The following PICK1 variants were observed in gnomAD, a reference collection of about 807,000 sequenced individuals.
PICK1 encodes the protein PRKCA-binding protein.
In PICK1, 23 loss-of-function variants were observed where a neutral mutation model predicts 48.9. That is an observed-to-expected ratio of 0.47 (90% CI 0.34 to 0.67). The LOEUF (loss-of-function observed/expected upper bound fraction) is 0.67. PICK1 is among the 30% of genes least tolerant of loss of function. The pLI, the probability that PICK1 is intolerant of heterozygous loss-of-function variation, is 0.01. For synonymous variants in PICK1, 217 were observed against 228.2 expected (o/e 0.95, Z 0.44); for missense variants, 423 against 557.1 (o/e 0.76, Z 2.42).
chr22:38,073,017 C>A lies in PICK1; in HGVS notation c.708C>A (p.Asn236Lys). The change falls in exon 10 of 13, where the codon AAC (asparagine) becomes AAA (lysine). Residue 236 changes from asparagine to lysine, a missense_variant. Asn to Lys is a moderately conservative substitution (Grantham distance 94). Around this residue, in one of 2 missense-constraint regions of PICK1, gnomAD observed 279 missense variants for 417.8 expected, o/e 0.67. Transcript: ENST00000356976. The surrounding 1 kb of genome is among the most constrained non-coding windows in gnomAD (Gnocchi z 5.7). ...KTIKPMLTDL[N>K]TYLNKAIPDT... is the part of the protein sequence containing the mutation. The stretch of plus-strand genomic sequence containing the variant: ...TCTTCCAGATGCTGACGGATCTGAA[C>A]ACGTACCTCAACAAAGCCATCCCGG... The A allele has an allele frequency of 6.2e-7, 1 of 1,613,370 alleles. No individual in the cohort carries two copies. Among genetic ancestry groups the A allele is most frequent in the Non-Finnish European group, 8.5e-7 (1 of 1,179,382 alleles).
intron 9 of PICK1, 91 bp downstream of exon 9, chr22:38,072,701 T>C: frequency 6.5e-7 from 1 of 1,541,382 alleles, no homozygotes; most frequent in African/African-American, 1.4e-5. Flanking sequence ...TGGAGTCCTG[T>C]GCCTGGGTAC....
At chr22:38,072,150 G>A (rs1334980293) in intron 8 of PICK1, 6 of 510,950 alleles carry the variant, frequency 1.2e-5, no homozygotes, top group Non-Finnish European at 2.1e-5. Flanking sequence ...TCGGACCAGT[G>A]TTCTGCCTCA....
chr22:38,070,812 C>T (rs1296517684), intron 6 of PICK1, 26 bp from the exon 7 acceptor site: 12 of 1,612,030 alleles, frequency 7.4e-6, no homozygotes, highest in South Asian at 1.1e-5. Context: ...GCCCACTGAC[C>T]TCCCCTCTTC....
chr22:38,063,895 T>C (rs2085464742), intron 3 of PICK1, among the ~76,000 whole-genome samples: 2 of 152,136 alleles, frequency 1.3e-5, no homozygotes, highest in Non-Finnish European at 2.9e-5. Context: ...AAAATTTTTA[T>C]GAAGTTCAAT....
intron 9 of PICK1, 107 bp from the exon 10 acceptor site, chr22:38,072,893 G>C (rs2085736827): frequency 1.1e-6 from 1 of 870,610 alleles, no homozygotes; most frequent in Non-Finnish European, 2.0e-6. Context: ...GCACCATCTG[G>C]CTCTGATAGT....
chr22:38,064,902 G>A, intron 3 of PICK1, 100 bp from the exon 4 acceptor site: 3 of 1,389,996 alleles, frequency 2.2e-6, no homozygotes, highest in Non-Finnish European at 3.1e-6. Context: ...GAGAGCAGAG[G>A]GTAGAGTGGA....
Position 38,072,627 on chromosome 22 carries a change from ATG to A in PICK1, c.690+25_690+26del. The A allele has an allele frequency of 6.2e-7, 1 of 1,612,492 alleles. No homozygotes were observed. Among genetic ancestry groups the A allele is most frequent in the Non-Finnish European group, 8.5e-7 (1 of 1,179,966 alleles). On this transcript the variant is annotated intron_variant, in intron 9 of 12. Coordinates refer to ENST00000356976, the MANE Select transcript of PICK1 (RefSeq NM_012407.4). ...ATCAAGCCGGTAGGTCCTATTGAGC[ATG>A]TGTGTGTCTGGCGTGTGAGGGTGGG...
rs7291186 is a variant in PICK1, at chr22:38,074,830, C to G, written c.980-34C>G. The G allele has an allele frequency of 9.1e-3, 14,660 of 1,604,672 alleles. 1,153 individuals carry two copies. The African/African-American group carries it at 0.17, about 19-fold the overall frequency. The stretch of plus-strand genomic sequence containing the variant: ...CCTCCCTGAGGCAGGCAGCCAGAGC[C>G]CACTGCAGCCTGTCCCCCGACCTCC... On this transcript the variant is annotated intron_variant, in intron 12 of 12. Coordinates refer to ENST00000356976, the MANE Select transcript of PICK1 (RefSeq NM_012407.4). The surrounding 1 kb of genome is among the most constrained non-coding windows in gnomAD (Gnocchi z 4.5).
rs145795261 is a variant in PICK1 at position 38,074,062 on chromosome 22, A to G, written c.834+239A>G. 5.0e-4 allele frequency: 317 copies of G among 628,082 alleles called. 1 individual carries two copies. In the East Asian group the frequency reaches 7.9e-3, roughly 16 times the overall value. The allele number at this position is 628,082 out of a possible 1,614,324, so 38.9% of individuals were successfully genotyped here. ...GGGAAATCGGATTTTCTTCACTCCT[A>G]TGAGGCGCTTTTAAGTGTTTGATTT... On this transcript the variant is annotated intron_variant, in intron 11 of 12. Coordinates refer to ENST00000356976, the MANE Select transcript of PICK1 (RefSeq NM_012407.4). This position sits in a 1 kb window ranked among gnomAD's most constrained non-coding sequence, Gnocchi z 4.5.
Position 38,073,051 on chromosome 22 carries a change from C to T in PICK1, c.742C>T (p.Leu248Phe). The T allele has an allele frequency of 6.2e-7, 1 of 1,613,872 alleles. No individual in the cohort carries two copies. Among genetic ancestry groups the T allele is most frequent in the Non-Finnish European group, 8.5e-7 (1 of 1,179,852 alleles). ...CAACAAAGCCATCCCGGACACTCGC[C>T]TCACCATCAAGAAGTACCTGGACGT... ...YLNKAIPDTR[L>F]TIKKYLDVKF... Residue 248 changes from leucine to phenylalanine, a missense_variant, in exon 10 of 13, where the codon CTC (leucine) becomes TTC (phenylalanine). Around this residue, in one of 2 missense-constraint regions of PICK1, gnomAD observed 279 missense variants for 417.8 expected, o/e 0.67. Transcript: ENST00000356976. The surrounding 1 kb of genome is among the most constrained non-coding windows in gnomAD (Gnocchi z 5.7).
At position 38,073,047 on chromosome 22, in the gene PICK1, T is replaced by G; in HGVS notation, c.738T>G (p.Thr246=). 1 of 1,613,834 alleles carries G rather than the reference T, an allele frequency of 6.2e-7. No homozygotes were observed. Among genetic ancestry groups the G allele is most frequent in the Non-Finnish European group, 8.5e-7 (1 of 1,179,878 alleles). The part of the protein sequence containing the change: ...NTYLNKAIPD[T]RLTIKKYLDV... ...ACCTCAACAAAGCCATCCCGGACAC[T>G]CGCCTCACCATCAAGAAGTACCTGG... The change falls in exon 10 of 13, where the codon ACT becomes ACG. Residue 246 remains threonine, a synonymous_variant. Coordinates refer to ENST00000356976, the MANE Select transcript of PICK1 (RefSeq NM_012407.4). This position sits in a 1 kb window ranked among gnomAD's most constrained non-coding sequence, Gnocchi z 5.7.
chr22:38,057,875 C>T (rs770679532), intron 2 of PICK1, 25 bp downstream of exon 2: 1 of 1,596,508 alleles, frequency 6.3e-7, no homozygotes, highest in Non-Finnish European at 8.6e-7. Flanking sequence ...CCCCCAAGTT[C>T]CAGCAGTATA....
chr22:38,065,223 G>GT, intron 4 of PICK1, 93 bp downstream of exon 4: 1 of 1,315,548 alleles, frequency 7.6e-7, no homozygotes, highest in Non-Finnish European at 1.1e-6. Flanking sequence ...CTGGAAGGGG[G>GT]TATCAGCCCT....
intron 8 of PICK1, 132 bp from the exon 9 acceptor site, chr22:38,072,345 T>C: frequency 9.4e-7 from 1 of 1,059,106 alleles, no homozygotes; most frequent in Admixed American, 2.2e-5. Flanking sequence ...CCAGCTCTCT[T>C]GGAGGTGTAG....
Position 38,075,142 on chromosome 22 carries a change from G to A in PICK1, c.*10G>A, listed in dbSNP as rs191049840. 1.3e-4 allele frequency: 206 copies of A among 1,605,592 alleles called. 3 individuals are homozygous for A. The African/African-American group carries it at 2.5e-3, about 20-fold the overall frequency. ...CTGGTGTGACTCCTGAGTGCCCCGC[G>A]GCTGTGGTGCCGGGGGCAGGGTGCG... On this transcript the variant is annotated 3_prime_UTR_variant, in exon 13 of 13. Coordinates refer to ENST00000356976, the MANE Select transcript of PICK1 (RefSeq NM_012407.4).
intron 4 of PICK1, chr22:38,067,366 A>G (rs2085554397): frequency 3.0e-6 from 1 of 331,946 alleles, no homozygotes; most frequent in Non-Finnish European, 5.9e-6. Context: ...CTGGAGTGCA[A>G]TGGTGTGATC....
chr22:38,069,103 C>T lies in PICK1; in HGVS notation c.420C>T (p.Ser140=). Residue 140 remains serine, a synonymous_variant, in exon 6 of 13, where the codon AGC becomes AGT. Transcript: ENST00000356976. ...SSGTADALGL[S]RAILCNDGLV... The stretch of plus-strand genomic sequence containing the variant: ...GGACCGCAGATGCTCTGGGCCTGAG[C>T]CGGGCCATCCTGTGCAATGGTGAGT... 1 of 1,610,626 alleles carries T rather than the reference C, an allele frequency of 6.2e-7. No individual in the cohort carries two copies. Among genetic ancestry groups the T allele is most frequent in the South Asian group, 1.1e-5 (1 of 90,332 alleles).
At position 38,073,303 on chromosome 22, in the gene PICK1, C is replaced by T. The variant is rs1208825344; in HGVS notation, c.783+211C>T. Among the ~76,000 whole-genome samples the T allele has an allele frequency of 6.6e-6, 1 of 152,234 alleles. No individual in the cohort carries two copies. Among genetic ancestry groups the T allele is most frequent in the East Asian group, 1.9e-4 (1 of 5,186 alleles). ...GAGAGCCTGGGGCGGGCATGGCTCT[C>T]GCTGTGTGCACTCTGACCCCTTGGG... On this transcript the variant is annotated intron_variant, in intron 10 of 12. Transcript: ENST00000356976. The surrounding 1 kb of genome is among the most constrained non-coding windows in gnomAD (Gnocchi z 5.7).
rs1251254966 is a variant in PICK1 at position 38,071,692 on chromosome 22, A to T, written c.504A>T (p.Glu168Asp). 1 of 1,613,512 alleles carries T rather than the reference A, an allele frequency of 6.2e-7. No homozygotes were observed. The highest frequency in any genetic ancestry group is 1.3e-5 in the African/African-American group (1 of 75,058). The change falls in exon 8 of 13, where the codon GAA becomes GAT. Residue 168 changes from glutamate to aspartate, a missense_variant. Glu to Asp is a conservative substitution (Grantham distance 45). Coordinates refer to ENST00000356976, the MANE Select transcript of PICK1 (RefSeq NM_012407.4). ...RTAELYKGMT[E>D]HTKNLLRAFY... ...CGGTCTCTCCCACAGGGATGACGGA[A>T]CACACCAAGAACCTCCTACGGGCCT...
Sources: gnomAD v4.1 joint callset for allele counts (sites outside exome capture counted in the v4.1 genomes callset) on GRCh38, gnomAD v4.1.1 for gene constraint, gnomAD v4.1.1 regional missense constraint, Gnocchi (gnomAD v3.1) non-coding constraint, MANE v1.5 for transcripts, NCBI Gene and HGNC (gene_info 2026-07-23, HGNC 2026-07-21) for gene names.